Variants in ZNF689 observed in about 807,000 individuals in gnomAD.
ZNF689 encodes the protein zinc finger protein 689.
A neutral mutation model predicts 37.2 loss-of-function variants in ZNF689; 14 were observed. That is an observed-to-expected ratio of 0.38 (90% CI 0.25 to 0.59). The LOEUF (loss-of-function observed/expected upper bound fraction) is 0.59, where lower values mean the gene tolerates loss of function less well. Ranked by LOEUF, ZNF689 falls within the 20% of genes least tolerant of loss-of-function variation. The pLI is 0.68. For synonymous variants in ZNF689, 277 were observed against 283.3 expected (o/e 0.98, Z 0.22); for missense variants, 573 against 700.2 (o/e 0.82, Z 2.05).
At position 30,610,042 on chromosome 16, in the gene ZNF689, G is replaced by A. The variant is rs1469908893; in HGVS notation, c.-1C>T. The A allele has an allele frequency of 6.3e-7, 1 of 1,588,778 alleles. No homozygotes were observed. Among genetic ancestry groups the A allele is most frequent in the Non-Finnish European group, 8.6e-7 (1 of 1,169,524 alleles). On this transcript the variant is annotated 5_prime_UTR_variant, in exon 1 of 3. Transcript: ENST00000287461. ...GGAGCGGAGCCGAAGGTGGCGCCAT[G>A]GGACCCGAGAAGCCGGCGCCACGGC...
In ZNF689 at chr16:30,605,030, C is replaced by G. The variant is rs761248360; in HGVS notation, c.737G>C (p.Arg246Pro). The change falls in exon 3 of 3, where the codon CGG (arginine) becomes CCG (proline). Residue 246 changes from arginine to proline, a missense_variant. Around this residue, in one of 3 missense-constraint regions of ZNF689, gnomAD observed 4 missense variants for 19.8 expected, o/e 0.20. Transcript: ENST00000287461. This position sits in a 1 kb window ranked among gnomAD's most constrained non-coding sequence, Gnocchi z 5.1. ...TGTGGTCCGGTGATTGGCCAAGGAC[C>G]GGCTCCTCCGGAAGCAGCGACCACA... ...PDCGRCFRRS[R>P]SLANHRTTHT... The G allele has an allele frequency of 1.9e-6, 3 of 1,611,568 alleles. No individual in the cohort carries two copies. Among genetic ancestry groups the G allele is most frequent in the South Asian group, 1.1e-5 (1 of 90,844 alleles).
Position 30,604,814 on chromosome 16 carries a change from G to T in ZNF689, c.953C>A (p.Pro318Gln), listed in dbSNP as rs780372777. 5 of 1,609,116 alleles carry T rather than the reference G, an allele frequency of 3.1e-6. No homozygotes were observed. The highest frequency in any genetic ancestry group is 4.2e-6 in the Non-Finnish European group (5 of 1,177,272). The change falls in exon 3 of 3, where the codon CCG becomes CAG. Residue 318 changes from proline (P) to glutamine (Q), a missense_variant. Coordinates refer to ENST00000287461, the MANE Select transcript of ZNF689 (RefSeq NM_138447.3). The surrounding 1 kb of genome is among the most constrained non-coding windows in gnomAD (Gnocchi z 5.2). ...QRIHTGEKPY[P>Q]CPDCERRFSS... ...GAAGCGCCGCTCGCAGTCCGGGCAC[G>T]GGTAGGGCTTCTCGCCCGTGTGGAT...
In ZNF689 at chr16:30,603,731, A is replaced by C. The variant is rs1004049948; in HGVS notation, c.*533T>G. 4.0e-6 allele frequency: 1 copy of C among 249,754 alleles called. No individual in the cohort carries two copies. Among genetic ancestry groups the C allele is most frequent in the Non-Finnish European group, 8.0e-6 (1 of 124,562 alleles). 15.5% of individuals were successfully genotyped at this position (249,754 alleles called of 1,614,324 possible). A position where few individuals can be genotyped will look rare whatever the true frequency, so the allele number is the denominator to read the frequency against. On this transcript the variant is annotated 3_prime_UTR_variant, in exon 3 of 3. Coordinates refer to ENST00000287461, the MANE Select transcript of ZNF689 (RefSeq NM_138447.3). ...GGTTTAGAGGAGAATGTGGTACTTA[A>C]CCTTCTATAGATCCCACAATGAAAT...
At chr16:30,606,031 G>A (rs2052033109) in intron 2 of ZNF689, among the ~76,000 whole-genome samples, 1 of 152,012 alleles carries the variant, frequency 6.6e-6, no homozygotes, top group African/African-American at 2.4e-5. Context: ...AGGCATGGTT[G>A]CTCATGCCTG....
In ZNF689 at chr16:30,604,295, C is replaced by T; in HGVS notation, c.1472G>A (p.Gly491Glu). 1 of 1,614,144 alleles carries T rather than the reference C, an allele frequency of 6.2e-7. No individual in the cohort carries two copies. The highest frequency in any genetic ancestry group is 8.5e-7 in the Non-Finnish European group (1 of 1,180,044). ...APNCSPRSAIGGSSQRGNAH is the reference protein window; with the variant it reads ...APNCSPRSAIEGSSQRGNAH ...GGCGTTGCCCCTCTGACTGGAGCCCCCGATAGCAGATCTAGGGCTACAGTT... is the reference window on the plus strand; with the variant it reads ...GGCGTTGCCCCTCTGACTGGAGCCCTCGATAGCAGATCTAGGGCTACAGTT... Residue 491 changes from glycine to glutamate, a missense_variant, in exon 3 of 3, where the codon GGG (glycine) becomes GAG (glutamate). Coordinates refer to ENST00000287461, the MANE Select transcript of ZNF689 (RefSeq NM_138447.3). The surrounding 1 kb of genome is among the most constrained non-coding windows in gnomAD (Gnocchi z 5.2).
upstream of ZNF689, chr16:30,610,627 T>C (rs2052089090): frequency 6.5e-6 from 1 of 153,060 alleles, no homozygotes; most frequent in African/African-American, 2.4e-5. Context: ...TTTCCGCTGT[T>C]CGACTCTGGC....
chr16:30,604,477 G>A lies in ZNF689; in HGVS notation c.1290C>T (p.Ala430=). Residue 430 remains alanine (A), a synonymous_variant, in exon 3 of 3, where the codon GCC becomes GCT. Coordinates refer to ENST00000287461, the MANE Select transcript of ZNF689 (RefSeq NM_138447.3). This position sits in a 1 kb window ranked among gnomAD's most constrained non-coding sequence, Gnocchi z 5.2. ...RRVHSGERPY[A]CDLCSKRFAQ... is the part of the protein sequence containing the mutation. ...CAAAACGCTTGGAGCAAAGGTCGCA[G>A]GCATAGGGCCGCTCGCCCGAGTGCA... 1 of 1,607,582 alleles carries A rather than the reference G, an allele frequency of 6.2e-7. No homozygotes were observed.
At position 30,605,686 on chromosome 16, in the gene ZNF689, C is replaced by A. The variant is rs1282584197; in HGVS notation, c.320-239G>T. Among the ~76,000 whole-genome samples the A allele has an allele frequency of 6.6e-6, 1 of 152,170 alleles. No individual in the cohort carries two copies. Among genetic ancestry groups the A allele is most frequent in the African/African-American group, 2.4e-5 (1 of 41,446 alleles). On this transcript the variant is annotated intron_variant, in intron 2 of 2. Coordinates refer to ENST00000287461, the MANE Select transcript of ZNF689 (RefSeq NM_138447.3). This position sits in a 1 kb window ranked among gnomAD's most constrained non-coding sequence, Gnocchi z 5.1. ...ACTAACTTTAAAAATTGAGGCCGGG[C>A]ACAGTGGATCACGCTTGTAATCGTA...
Position 30,603,817 on chromosome 16 carries a change from G to A in ZNF689, c.*447C>T, listed in dbSNP as rs978186647. On this transcript the variant is annotated 3_prime_UTR_variant, in exon 3 of 3. Coordinates refer to ENST00000287461, the MANE Select transcript of ZNF689 (RefSeq NM_138447.3). ...AGAGATTTTCAAGCAATGGGTAGAA[G>A]ACCACTTGGCAGGAGTGTTGCAAAA... The A allele has an allele frequency of 6.1e-6, 2 of 328,728 alleles. No homozygotes were observed. Among genetic ancestry groups the A allele is most frequent in the Non-Finnish European group, 1.2e-5 (2 of 166,750 alleles). The allele number at this position is 328,728 out of a possible 1,614,324, so 20.4% of individuals were successfully genotyped here. A position where few individuals can be genotyped will look rare whatever the true frequency, so the allele number is the denominator to read the frequency against.
Position 30,610,287 on chromosome 16 carries a change from C to T in ZNF689, c.-246G>A. 1 of 547,400 alleles carries T rather than the reference C, an allele frequency of 1.8e-6. No individual in the cohort carries two copies. Among genetic ancestry groups the T allele is most frequent in the Non-Finnish European group, 3.2e-6 (1 of 309,334 alleles). The allele number at this position is 547,400 out of a possible 1,614,324, so 33.9% of individuals were successfully genotyped here. The stretch of plus-strand genomic sequence containing the variant: ...TTCGGGGAAAATGGCGGCGCTGCTA[C>T]CGCACCGCCTTTGCCTGGAACACAG... On this transcript the variant is annotated 5_prime_UTR_variant, in exon 1 of 3. Transcript: ENST00000287461.
In ZNF689 at chr16:30,604,878, G is replaced by C; in HGVS notation, c.889C>G (p.Arg297Gly). 1.3e-6 allele frequency: 2 copies of C among 1,579,534 alleles called. No homozygotes were observed. The highest frequency in any genetic ancestry group is 1.7e-6 in the Non-Finnish European group (2 of 1,162,582). The change falls in exon 3 of 3, where the codon CGC (arginine) becomes GGC (glycine). Residue 297 changes from arginine to glycine, a missense_variant. Physicochemically the swap from Arg to Gly is moderately radical, Grantham distance 125. Around this residue, in one of 3 missense-constraint regions of ZNF689, gnomAD observed 317 missense variants for 367.1 expected, o/e 0.86. Transcript: ENST00000287461. This position sits in a 1 kb window ranked among gnomAD's most constrained non-coding sequence, Gnocchi z 5.2. ...ACGAGGGCCGTGCGCTGGCGGAAGC[G>C]GCGGTTGCACTCGAGGCAAGTGTAG... ...KPYTCLECNR[R>G]FRQRTALVIH...
rs748274062 is a variant in ZNF689, at chr16:30,604,855, G to C, written c.912C>G (p.Leu304=). ...CCGTGTGGATGCGCTGGTGGATGAC[G>C]AGGGCCGTGCGCTGGCGGAAGCGGC... The part of the protein sequence containing the change: ...CNRRFRQRTA[L]VIHQRIHTGE... The change falls in exon 3 of 3, where the codon CTC becomes CTG. Residue 304 remains leucine (L), a synonymous_variant. Coordinates refer to ENST00000287461, the MANE Select transcript of ZNF689 (RefSeq NM_138447.3). This position sits in a 1 kb window ranked among gnomAD's most constrained non-coding sequence, Gnocchi z 5.2. 1.9e-6 allele frequency: 3 copies of C among 1,594,378 alleles called. No individual in the cohort carries two copies. Among genetic ancestry groups the C allele is most frequent in the Non-Finnish European group, 2.6e-6 (3 of 1,170,250 alleles).
rs746349061 is a variant in ZNF689 at position 30,609,943 on chromosome 16, G to T, written c.99C>A (p.Asp33Glu). ...GRRPRALKFVDVAVYFSPEEW... is the reference protein window; with the variant it reads ...GRRPRALKFVEVAVYFSPEEW... The stretch of plus-strand genomic sequence containing the variant: ...CCTCCGGGGAGAAGTACACGGCCAC[G>T]TCCACGAACTTCAGAGCCCTCGGCC... The change falls in exon 1 of 3, where the codon GAC (aspartate) becomes GAA (glutamate). Residue 33 changes from aspartate (D) to glutamate (E), a missense_variant. This residue lies in a region of ZNF689 where 252 missense variants were observed against 313.3 expected (regional missense o/e 0.80). Transcript: ENST00000287461. 8 of 1,612,596 alleles carry T rather than the reference G, an allele frequency of 5.0e-6. No individual in the cohort carries two copies. The Admixed American group carries it at 1.0e-4, about 20-fold the overall frequency.
Position 30,610,123 on chromosome 16 carries a change from C to G in ZNF689, c.-82G>C. 1 of 1,465,380 alleles carries G rather than the reference C, an allele frequency of 6.8e-7. No homozygotes were observed. The highest frequency in any genetic ancestry group is 2.5e-5 in the East Asian group (1 of 40,374). The allele number at this position is 1,465,380 out of a possible 1,614,324, so 90.8% of individuals were successfully genotyped here. ...CTGGCGGCCCCTGGGATCGAGGAGCCCCTGCCGGACCAGGGCTGAGCGTGG... is the reference window on the plus strand; with the variant it reads ...CTGGCGGCCCCTGGGATCGAGGAGCGCCTGCCGGACCAGGGCTGAGCGTGG... On this transcript the variant is annotated 5_prime_UTR_variant, in exon 1 of 3. Coordinates refer to ENST00000287461, the MANE Select transcript of ZNF689 (RefSeq NM_138447.3).
Position 30,610,072 on chromosome 16 carries a change from C to T in ZNF689, c.-31G>A, listed in dbSNP as rs529224317. 4 of 1,557,084 alleles carry T rather than the reference C, an allele frequency of 2.6e-6. No homozygotes were observed. The South Asian group carries it at 3.5e-5, about 14-fold the overall frequency. ...CCGAGAAGCCGGCGCCACGGCCTTC[C>T]GTGTCCAGGCCTCGGCCCTCGGGCG... is the stretch of plus-strand genomic sequence containing the variant. On this transcript the variant is annotated 5_prime_UTR_variant, in exon 1 of 3. Transcript: ENST00000287461.
chr16:30,605,300 C>T lies in ZNF689; in HGVS notation c.467G>A (p.Cys156Tyr), dbSNP rs1389055786. 2 of 1,611,122 alleles carry T rather than the reference C, an allele frequency of 1.2e-6. No homozygotes were observed. Among genetic ancestry groups the T allele is most frequent in the African/African-American group, 1.3e-5 (1 of 74,794 alleles). The change falls in exon 3 of 3, where the codon TGT (cysteine) becomes TAT (tyrosine). Residue 156 changes from cysteine to tyrosine, a missense_variant. Coordinates refer to ENST00000287461, the MANE Select transcript of ZNF689 (RefSeq NM_138447.3). The surrounding 1 kb of genome is among the most constrained non-coding windows in gnomAD (Gnocchi z 5.1). ...SGGPICPDCG[C>Y]TFPDHQALES... ...CAGGGCCTGATGATCAGGGAAGGTA[C>T]AGCCGCAGTCAGGGCAGATGGGGCC... is the stretch of plus-strand genomic sequence containing the variant.
At position 30,605,597 on chromosome 16, in the gene ZNF689, G is replaced by A. The variant is rs1005063916; in HGVS notation, c.320-150C>T. 15 of 791,802 alleles carry A rather than the reference G, an allele frequency of 1.9e-5. No individual in the cohort carries two copies. The highest frequency in any genetic ancestry group is 2.4e-5 in the Non-Finnish European group (12 of 509,054). The allele number at this position is 791,802 out of a possible 1,614,324, so 49.0% of individuals were successfully genotyped here. A position where few individuals can be genotyped will look rare whatever the true frequency, so the allele number is the denominator to read the frequency against. On this transcript the variant is annotated intron_variant, in intron 2 of 2. Transcript: ENST00000287461. This position sits in a 1 kb window ranked among gnomAD's most constrained non-coding sequence, Gnocchi z 5.1. ...GTGTGACATACTGTCATGCAAATAC[G>A]GTGTGCATTACAGGAGCTTCTAACC...
chr16:30,605,362 G>A lies in ZNF689; in HGVS notation c.405C>T (p.Pro135=). 1 of 1,613,970 alleles carries A rather than the reference G, an allele frequency of 6.2e-7. No homozygotes were observed. Among genetic ancestry groups the A allele is most frequent in the Non-Finnish European group, 8.5e-7 (1 of 1,179,914 alleles). The change falls in exon 3 of 3, where the codon CCC becomes CCT. Residue 135 remains proline (P), a synonymous_variant. Coordinates refer to ENST00000287461, the MANE Select transcript of ZNF689 (RefSeq NM_138447.3). The surrounding 1 kb of genome is among the most constrained non-coding windows in gnomAD (Gnocchi z 5.1). ...APRKGKRGRR[P]SKPRLIPRQT... The stretch of plus-strand genomic sequence containing the variant: ...GCCTAGGAATCAGTCGGGGTTTGCT[G>A]GGCCTCCGGCCTCGCTTCCCCTTTC...
chr16:30,609,180 A>T (rs1567529198), intron 2 of ZNF689, among the ~76,000 whole-genome samples: 1 of 150,696 alleles, frequency 6.6e-6, no homozygotes, highest in Non-Finnish European at 1.5e-5. Context: ...GGCTCACGCC[A>T]GTAACCCCTG....
Sources: gnomAD v4.1 joint callset for allele counts (sites outside exome capture counted in the v4.1 genomes callset) on GRCh38, gnomAD v4.1.1 for gene constraint, gnomAD v4.1.1 regional missense constraint, Gnocchi (gnomAD v3.1) non-coding constraint, MANE v1.5 for transcripts, NCBI Gene and HGNC (gene_info 2026-07-23, HGNC 2026-07-21) for gene names.